Variants in NCOA1 observed in about 807,000 individuals in gnomAD.
NCOA1 encodes the protein nuclear receptor coactivator 1, also known as Hin-2 protein.
A neutral mutation model predicts 150.9 loss-of-function variants in NCOA1; 35 were observed. The ratio of observed to expected loss-of-function variants is 0.23; its 90% CI spans 0.18 to 0.31. NCOA1 has a LOEUF of 0.31. NCOA1 is among the 10% of genes least tolerant of loss of function. The pLI is 1.00. For missense variants in NCOA1, 1,491 were observed against 1,749.3 expected, an observed-to-expected ratio of 0.85 and a Z score of 2.63; for synonymous variants, 590 against 630.0, an observed-to-expected ratio of 0.94 and a Z score of 0.95.
At position 24,706,991 on chromosome 2, in the gene NCOA1, C is replaced by G. The variant is rs1045290158; in HGVS notation, c.1521C>G (p.Ser507=). 18 of 1,614,164 alleles carry G rather than the reference C, an allele frequency of 1.1e-5. No homozygotes were observed. The highest frequency in any genetic ancestry group is 1.1e-4 in the African/African-American group (8 of 75,034). The change falls in exon 13 of 23, where the codon TCC becomes TCG. Residue 507 remains serine, a synonymous_variant. Transcript: ENST00000348332. ...CAAGGCCCAGGATGCCAAACAATTC[C>G]TTTCCTCCTAATATTTCGACATTAA... ...LATRPRMPNN[S]FPPNISTLSS...
intron 4 of NCOA1, among the ~76,000 whole-genome samples, chr2:24,650,286 G>A (rs572419717): frequency 6.6e-6 from 1 of 151,924 alleles, no homozygotes; most frequent in African/African-American, 2.4e-5. Context: ...AAAATATCTA[G>A]TATTCAACAA....
intron 3 of NCOA1, among the ~76,000 whole-genome samples, chr2:24,587,236 A>G (rs574421295): frequency 6.6e-6 from 1 of 152,234 alleles, no homozygotes; most frequent in Non-Finnish European, 1.5e-5. Flanking sequence ...TCTGCTGCCT[A>G]ATTCTGGGAC....
intron 3 of NCOA1, among the ~76,000 whole-genome samples, chr2:24,625,042 G>A (rs950356076): frequency 1.3e-5 from 2 of 152,118 alleles, no homozygotes; most frequent in African/African-American, 4.8e-5. Flanking sequence ...CTTTGTTTAT[G>A]GACAGTGAAA....
chr2:24,517,502 G>A (rs966997463), intron 1 of NCOA1, among the ~76,000 whole-genome samples: 5 of 152,082 alleles, frequency 3.3e-5, no homozygotes, highest in African/African-American at 4.8e-5. Flanking sequence ...TGCGAGAACC[G>A]TTTCACACTG....
intron 10 of NCOA1, among the ~76,000 whole-genome samples, chr2:24,695,710 G>A (rs902050473): frequency 1.3e-5 from 2 of 152,094 alleles, no homozygotes; most frequent in African/African-American, 4.8e-5. Context: ...GCTTTTTATT[G>A]TTGTTTAGTT....
intron 1 of NCOA1, among the ~76,000 whole-genome samples, chr2:24,503,319 C>T (rs970506159): frequency 6.6e-6 from 1 of 152,120 alleles, no homozygotes; most frequent in Non-Finnish European, 1.5e-5. Flanking sequence ...AATTGTTCTC[C>T]AGTGTAGAGC....
chr2:24,618,982 A>G (rs1483956038), intron 3 of NCOA1, among the ~76,000 whole-genome samples: 2 of 152,220 alleles, frequency 1.3e-5, no homozygotes. Context: ...CTTTTCACTT[A>G]TGATTAAAAA....
chr2:24,610,909 T>A (rs1668594752), intron 3 of NCOA1, among the ~76,000 whole-genome samples: 1 of 152,264 alleles, frequency 6.6e-6, no homozygotes, highest in Non-Finnish European at 1.5e-5. Flanking sequence ...GTTAGGGGTC[T>A]ATGAACATAG....
intron 1 of NCOA1, among the ~76,000 whole-genome samples, chr2:24,532,696 TTA>T (rs1664949665): frequency 1.3e-5 from 2 of 152,340 alleles, no homozygotes; most frequent in Admixed American, 1.3e-4. Context: ...CCAGCACCAT[TTA>T]TTAAATAGGG....
At chr2:24,540,368 A>C (rs1306656735) in intron 1 of NCOA1, among the ~76,000 whole-genome samples, 1 of 152,222 alleles carries the variant, frequency 6.6e-6, no homozygotes, top group Non-Finnish European at 1.5e-5. Context: ...AGATCTGGGG[A>C]ATGAAAAATA....
At chr2:24,736,332 A>C (rs1280401715) in intron 17 of NCOA1, among the ~76,000 whole-genome samples, 1 of 152,192 alleles carries the variant, frequency 6.6e-6, no homozygotes, top group African/African-American at 2.4e-5. Context: ...CATGATCTTC[A>C]TAACTATCAA....
intron 1 of NCOA1, among the ~76,000 whole-genome samples, chr2:24,542,934 C>T (rs1324040116): frequency 1.3e-5 from 2 of 152,066 alleles, no homozygotes; most frequent in Non-Finnish European, 1.5e-5. Flanking sequence ...AAGTCTAAGC[C>T]ACAGAAATAA....
At chr2:24,523,723 C>G (rs1352240835) in intron 1 of NCOA1, among the ~76,000 whole-genome samples, 2 of 148,364 alleles carry the variant, frequency 1.3e-5, no homozygotes, top group Non-Finnish European at 3.0e-5. Context: ...GTCAAGAGAT[C>G]GAGACCATCC....
rs1183405187 is a variant in NCOA1, at chr2:24,576,149, G to GTTTTTTTTTTTTTTTTTTTT, written c.-259-8314_-259-8313insTTTTTTTTTTTTTTTTTTTT. On this transcript the variant is annotated intron_variant, in intron 2 of 22. Transcript: ENST00000348332. Reference sequence around the variant, plus strand: ...GAGTTTCAGAAATTATTTGGCCTTTGTTTTTTTTTTTTTGTTTTTTGTTTT... The same window carrying GTTTTTTTTTTTTTTTTTTTT: ...GAGTTTCAGAAATTATTTGGCCTTTGTTTTTTTTTTTTTTTTTTTTTTTTTTTTTTTTTGTTTTTTGTTTT... Among the ~76,000 whole-genome samples, 70 of 93,990 alleles carry GTTTTTTTTTTTTTTTTTTTT rather than the reference G, an allele frequency of 7.4e-4. 4 individuals are homozygous for GTTTTTTTTTTTTTTTTTTTT. Among genetic ancestry groups the GTTTTTTTTTTTTTTTTTTTT allele is most frequent in the Non-Finnish European group, 8.6e-4 (42 of 48,852 alleles). The allele number at this position is 93,990 out of a possible 152,430, so 61.7% of individuals were successfully genotyped here.
intron 1 of NCOA1, among the ~76,000 whole-genome samples, chr2:24,499,318 T>A (rs1173016693): frequency 2.0e-5 from 3 of 152,108 alleles, no homozygotes; most frequent in Admixed American, 2.0e-4. Context: ...TAAAAAAAAA[T>A]TTTAACCTCC....
At chr2:24,591,057 T>G (rs1180647448) in intron 3 of NCOA1, among the ~76,000 whole-genome samples, 1 of 152,240 alleles carries the variant, frequency 6.6e-6, no homozygotes, top group Non-Finnish European at 1.5e-5. Context: ...GATAATTGTC[T>G]AAATTATATC....
chr2:24,577,629 C>T (rs1394907136), intron 2 of NCOA1, among the ~76,000 whole-genome samples: 1 of 152,112 alleles, frequency 6.6e-6, no homozygotes, highest in Non-Finnish European at 1.5e-5. Context: ...TATAGATAAG[C>T]CGTGAATTAA....
At chr2:24,540,316 C>G (rs892673758) in intron 1 of NCOA1, among the ~76,000 whole-genome samples, 1 of 152,040 alleles carries the variant, frequency 6.6e-6, no homozygotes, top group South Asian at 2.1e-4. Flanking sequence ...AAACAAGTGG[C>G]TATAAAACAA....
intron 1 of NCOA1, among the ~76,000 whole-genome samples, chr2:24,508,550 A>C (rs1663801285): frequency 6.6e-6 from 1 of 151,902 alleles, no homozygotes; most frequent in African/African-American, 2.4e-5. Flanking sequence ...TTTTGGGGGG[A>C]GAATTCAAAA....
Sources: allele counts gnomAD v4.1 joint callset (sites outside exome capture counted in the v4.1 genomes callset), GRCh38; gene constraint gnomAD v4.1.1; transcripts MANE v1.5; gene names NCBI Gene and HGNC (gene_info 2026-07-23, HGNC 2026-07-21).